Variants in OCRL observed in about 807,000 individuals in gnomAD.
OCRL encodes the protein OCRL inositol polyphosphate-5-phosphatase, also known as inositol polyphosphate 5-phosphatase OCRL.
Under a neutral mutation model 78.9 loss-of-function variants are expected in OCRL, and 8 were observed. The ratio of observed to expected loss-of-function variants is 0.10; its 90% CI spans 0.06 to 0.18. The LOEUF is 0.18. Ranked by LOEUF, OCRL falls within the 10% of genes least tolerant of loss-of-function variation. The pLI is 1.00. For missense variants in OCRL, 454 were observed against 696.7 expected, an observed-to-expected ratio of 0.65 and a Z score of 3.92; for synonymous variants, 240 against 235.4, an observed-to-expected ratio of 1.02 and a Z score of -0.18.
chrX:129,588,313 C>T lies in OCRL; in HGVS notation c.2341+50C>T, dbSNP rs779758376. 3.3e-5 allele frequency: 28 copies of T among 844,513 alleles called. No homozygotes were observed. The South Asian group carries it at 5.1e-4, about 15-fold the overall frequency. 69.6% of individuals were successfully genotyped at this position (844,513 alleles called of 1,213,427 possible). Reference sequence around the variant, plus strand: ...GAAGCTGGATGAGTACTTGATCAAACTCTTCTTCGCACCTATATTTGATTT... The same window carrying T: ...GAAGCTGGATGAGTACTTGATCAAATTCTTCTTCGCACCTATATTTGATTT... On this transcript the variant is annotated intron_variant, in intron 21 of 23. Coordinates refer to ENST00000371113, the MANE Select transcript of OCRL (RefSeq NM_000276.4).
intron 1 of OCRL, 109 bp from the exon 2 acceptor site, chrX:129,540,635 G>GGGCGGGGGAGGGC (rs1343753621): frequency 8.2e-5 from 55 of 671,808 alleles, no homozygotes; most frequent in South Asian, 1.8e-4. Context: ...GGGCGGGGCG[G>GGGCGGGGGAGGGC]GGCGGGGGAG....
At position 129,557,922 on chromosome X, in the gene OCRL, C is replaced by T. The variant is rs1184660920; in HGVS notation, c.411C>T (p.Asp137=). The change falls in exon 6 of 24, where the codon GAC becomes GAT. Residue 137 remains aspartate, a synonymous_variant. Coordinates refer to ENST00000371113, the MANE Select transcript of OCRL (RefSeq NM_000276.4). ...KDSSSWYQKL[D]TKDKPSVFSG... The stretch of plus-strand genomic sequence containing the variant: ...CATCTAGCTGGTACCAGAAATTAGA[C>T]ACTAAGGACAAACCTTCTGTTTTTT... 3 of 1,195,181 alleles carry T rather than the reference C, an allele frequency of 2.5e-6. No homozygotes were observed. The highest frequency in any genetic ancestry group is 3.4e-6 in the Non-Finnish European group (3 of 881,350).
intron 21 of OCRL, 61 bp from the exon 22 acceptor site, chrX:129,588,825 C>A (rs776614202): frequency 6.7e-6 from 8 of 1,196,247 alleles, no homozygotes; most frequent in South Asian, 5.3e-5. Flanking sequence ...GAAAGGAGCT[C>A]GTCGGGGCTC....
In OCRL at chrX:129,562,625, A is replaced by G. The variant is rs781221739; in HGVS notation, c.1083A>G (p.Arg361=). 16 of 1,209,891 alleles carry G rather than the reference A, an allele frequency of 1.3e-5. No individual in the cohort carries two copies. In the East Asian group the frequency reaches 4.7e-4, roughly 36 times the overall value. The change falls in exon 12 of 24, where the codon AGA becomes AGG. Residue 361 remains arginine (R), a synonymous_variant. Coordinates refer to ENST00000371113, the MANE Select transcript of OCRL (RefSeq NM_000276.4). ...KMGNKGGVAV[R]FVFHNTTFCI... The stretch of plus-strand genomic sequence containing the variant: ...GAAACAAAGGTGGGGTAGCTGTGAG[A>G]TTTGTATTTCACAACACCACCTTTT...
At chrX:129,565,691 A>T in intron 12 of OCRL, 81 bp from the exon 13 acceptor site, 1 of 718,413 alleles carries the variant, frequency 1.4e-6, no homozygotes, top group Non-Finnish European at 2.2e-6. Flanking sequence ...TCAATAATCT[A>T]CCCATTTTTC....
intron 4 of OCRL, among the ~76,000 whole-genome samples, chrX:129,550,573 G>T (rs948979724): frequency 1.8e-5 from 2 of 110,784 alleles, no homozygotes; most frequent in East Asian, 5.6e-4. Context: ...GTATTTCGTG[G>T]TGGATTTTAT....
In OCRL at chrX:129,588,900, T is replaced by G; in HGVS notation, c.2356T>G (p.Ser786Ala). Residue 786 changes from serine to alanine, a missense_variant, in exon 22 of 24, where the codon TCT (serine) becomes GCT (alanine). Physicochemically the swap from Ser to Ala is moderately conservative, Grantham distance 99. Around this residue, in one of 2 missense-constraint regions of OCRL, gnomAD observed 277 missense variants for 517.1 expected, o/e 0.54. Coordinates refer to ENST00000371113, the MANE Select transcript of OCRL (RefSeq NM_000276.4). ...IPETIPGSNH[S>A]VAEALLIFLE... ...AGTTGATTCAGCTGGCAGCAACCAC[T>G]CTGTGGCTGAAGCACTGCTCATTTT... 1 of 1,211,519 alleles carries G rather than the reference T, an allele frequency of 8.3e-7. No homozygotes were observed. The highest frequency in any genetic ancestry group is 1.1e-6 in the Non-Finnish European group (1 of 895,370).
intron 4 of OCRL, among the ~76,000 whole-genome samples, chrX:129,552,859 T>C (rs1190131707): frequency 2.7e-5 from 3 of 112,542 alleles, no homozygotes; most frequent in Non-Finnish European, 5.6e-5. Context: ...GATGTGATTG[T>C]GTGTGGACTG....
chrX:129,553,422 A>T (rs1935993563), intron 4 of OCRL: 1 of 112,040 alleles, frequency 8.9e-6, no homozygotes, highest in Admixed American at 9.5e-5. Context: ...CTGGAATTGG[A>T]GGGAAATCTG....
rs768328411 is a variant in OCRL, at chrX:129,545,041, C to G, written c.199+4C>G. ...AGCCACTTCAGATGTGTTCAAGGTACTAGCTTTAATTCCTTAGCTAGTTTT... is the reference window on the plus strand; with the variant it reads ...AGCCACTTCAGATGTGTTCAAGGTAGTAGCTTTAATTCCTTAGCTAGTTTT... On this transcript the variant is annotated splice_donor_region_variant and intron_variant, in intron 3 of 23. Transcript: ENST00000371113. 1.3e-5 allele frequency: 13 copies of G among 996,551 alleles called. No individual in the cohort carries two copies. Among genetic ancestry groups the G allele is most frequent in the Non-Finnish European group, 1.0e-5 (7 of 700,206 alleles). The allele number at this position is 996,551 out of a possible 1,213,427, so 82.1% of individuals were successfully genotyped here.
intron 13 of OCRL, 33 bp from the exon 14 acceptor site, chrX:129,567,221 T>C: frequency 1.0e-6 from 1 of 963,817 alleles, no homozygotes; most frequent in Non-Finnish European, 1.5e-6. Flanking sequence ...GATAGTGTTA[T>C]CCTGCTTATT....
intron 15 of OCRL, among the ~76,000 whole-genome samples, chrX:129,574,360 AAC>A (rs1936341261): frequency 8.9e-6 from 1 of 112,820 alleles, no homozygotes; most frequent in Non-Finnish European, 1.9e-5. Flanking sequence ...TATTTAAAAA[AAC>A]ACAGCTATAT....
At chrX:129,581,154 C>T (rs1218179166) in intron 18 of OCRL, among the ~76,000 whole-genome samples, 3 of 112,840 alleles carry the variant, frequency 2.7e-5, no homozygotes, top group Admixed American at 9.3e-5. Flanking sequence ...CGTGAGCCAC[C>T]GTGCCCGGCT....
intron 15 of OCRL, among the ~76,000 whole-genome samples, chrX:129,569,764 G>A (rs1238226295): frequency 9.1e-6 from 1 of 110,478 alleles, no homozygotes; most frequent in East Asian, 2.8e-4. Context: ...AGGAGCAAAG[G>A]CACAGACTGA....
intron 4 of OCRL, among the ~76,000 whole-genome samples, chrX:129,553,592 A>C (rs1029227572): frequency 1.8e-5 from 2 of 112,196 alleles, no homozygotes; most frequent in South Asian, 7.4e-4. Context: ...TGTAATTCAA[A>C]GTGAAGGAGG....
At chrX:129,573,477 GGT>G (rs1936328301) in intron 15 of OCRL, among the ~76,000 whole-genome samples, 1 of 111,690 alleles carries the variant, frequency 9.0e-6, no homozygotes, top group African/African-American at 3.3e-5. Context: ...GAGAATATGC[GGT>G]GCTTGGTTTT....
At chrX:129,567,147 T>C in intron 13 of OCRL, 107 bp from the exon 14 acceptor site, 1 of 555,615 alleles carries the variant, frequency 1.8e-6, no homozygotes, top group Admixed American at 2.6e-5. Flanking sequence ...GTTGTAAAGG[T>C]TGTGGAACTA....
chrX:129,575,526 C>T (rs1936357992), intron 16 of OCRL: 1 of 387,308 alleles, frequency 2.6e-6, no homozygotes, highest in African/African-American at 2.5e-5. Flanking sequence ...GCACCCGGCA[C>T]ATAGTAAGCC....
At chrX:129,552,031 C>A (rs1043879613) in intron 4 of OCRL, among the ~76,000 whole-genome samples, 5 of 111,492 alleles carry the variant, frequency 4.5e-5, no homozygotes, top group Non-Finnish European at 9.4e-5. Flanking sequence ...GGCTAGGGGG[C>A]AGATCTGGCA....
Sources: allele counts gnomAD v4.1 joint callset (sites outside exome capture counted in the v4.1 genomes callset), GRCh38; gene constraint gnomAD v4.1.1; regional missense constraint gnomAD v4.1.1; transcripts MANE v1.5; gene names NCBI Gene and HGNC (gene_info 2026-07-23, HGNC 2026-07-21).